Variants in NREP observed in about 807,000 individuals in gnomAD.
NREP encodes neuronal regeneration-related protein.
A neutral mutation model predicts 8.6 loss-of-function variants in NREP; 5 were observed. That is an observed-to-expected ratio of 0.58 (90% CI 0.30 to 1.22). NREP has a LOEUF of 1.22. NREP is among the 50% of genes most tolerant of loss of function. The probability of loss-of-function intolerance (pLI) is 0.07; values close to 1 mark genes in which losing one functional copy is unlikely to be tolerated. For synonymous variants in NREP, 27 were observed against 28.0 expected (o/e 0.96, Z 0.11); for missense variants, 86 against 82.5 (o/e 1.04, Z -0.17).
intron 2 of NREP, among the ~76,000 whole-genome samples, chr5:111,925,054 A>G (rs1755346376): frequency 6.6e-6 from 1 of 152,094 alleles, no homozygotes; most frequent in African/African-American, 2.4e-5. Flanking sequence ...GCCCTTCACA[A>G]TCGTGCTACG....
intron 2 of NREP, among the ~76,000 whole-genome samples, chr5:111,931,252 A>T (rs1755529403): frequency 6.6e-6 from 1 of 152,018 alleles, no homozygotes. Flanking sequence ...AGATTGAGTG[A>T]CTCACTTCTC....
chr5:111,855,011 AT>A (rs199697888), intron 2 of NREP, among the ~76,000 whole-genome samples: 65 of 151,854 alleles, frequency 4.3e-4, no homozygotes, highest in Middle Eastern at 3.4e-3. Context: ...CAGGTCACTG[AT>A]TTTTTTTTAT....
intron 2 of NREP, among the ~76,000 whole-genome samples, chr5:111,944,219 T>C (rs887681426): frequency 1.3e-5 from 2 of 152,126 alleles, no homozygotes; most frequent in South Asian, 4.1e-4. Flanking sequence ...CTTCCTTGGT[T>C]TATCAGTACA....
chr5:111,810,979 G>C (rs1407922532), intron 2 of NREP, among the ~76,000 whole-genome samples: 1 of 152,060 alleles, frequency 6.6e-6, no homozygotes, highest in Non-Finnish European at 1.5e-5. Context: ...ATTGATTCCT[G>C]GTGCTCACTG....
chr5:111,864,031 G>A (rs1365972307), intron 2 of NREP, among the ~76,000 whole-genome samples: 1 of 152,144 alleles, frequency 6.6e-6, no homozygotes, highest in Non-Finnish European at 1.5e-5. Context: ...AAGAGAATGA[G>A]TCATAGACCA....
In NREP at chr5:111,932,647, A is replaced by G. The variant is rs1477418718; in HGVS notation, c.135+42627T>C. Among the ~76,000 whole-genome samples the G allele has an allele frequency of 2.0e-5, 3 of 152,104 alleles. No individual in the cohort carries two copies. The East Asian group carries it at 5.8e-4, about 29-fold the overall frequency. ...AATGTTTATTTTATTACTGCAGGAA[A>G]ATGTTTCATCTGAAACATTTGGTAT... is the stretch of plus-strand genomic sequence containing the variant. On this transcript the variant is annotated intron_variant, in intron 2 of 3. Coordinates refer to the NREP transcript ENST00000395634.
chr5:111,741,696 C>T lies in NREP; in HGVS notation c.4-6189G>A, dbSNP rs951222671. Among the ~76,000 whole-genome samples, 6 of 152,184 alleles carry T rather than the reference C, an allele frequency of 3.9e-5. No individual in the cohort carries two copies. In the South Asian group the frequency reaches 8.3e-4, roughly 21 times the overall value. ...AAGGTAAGCCTGCAGAACACTGGGC[C>T]ATTCAGATGATGTACGTAACCTCTG... On this transcript the variant is annotated intron_variant, in intron 2 of 3. Coordinates refer to ENST00000257435, the MANE Select transcript of NREP (RefSeq NM_004772.4).
At position 111,926,276 on chromosome 5, in the gene NREP, C is replaced by A. The variant is rs544377920; in HGVS notation, c.135+48998G>T. 9.9e-5 allele frequency among the ~76,000 whole-genome samples: 15 copies of A among 152,130 alleles called. No homozygotes were observed. The South Asian group carries it at 2.9e-3, about 29-fold the overall frequency. Reference sequence around the variant, plus strand: ...CCAACAGTGCAGTTGGAGGAGGGAGCCCTGGATAATGGGGACAAGAGGAGC... The same window carrying A: ...CCAACAGTGCAGTTGGAGGAGGGAGACCTGGATAATGGGGACAAGAGGAGC... On this transcript the variant is annotated intron_variant, in intron 2 of 3. Transcript: ENST00000395634.
At chr5:111,804,873 C>T (rs990762178) in intron 2 of NREP, among the ~76,000 whole-genome samples, 1 of 152,036 alleles carries the variant, frequency 6.6e-6, no homozygotes, top group East Asian at 1.9e-4. Context: ...TGGTGGCGGG[C>T]GCCTGCAGGC....
chr5:111,915,544 A>T (rs527822975), intron 2 of NREP, among the ~76,000 whole-genome samples: 1 of 151,976 alleles, frequency 6.6e-6, no homozygotes, highest in Non-Finnish European at 1.5e-5. Context: ...CTCTCTTCCA[A>T]CCATTCACAA....
intron 2 of NREP, among the ~76,000 whole-genome samples, chr5:111,785,870 T>A (rs1262885023): frequency 6.6e-6 from 1 of 152,018 alleles, no homozygotes; most frequent in African/African-American, 2.4e-5. Context: ...TCCCCATAGT[T>A]CATATATACA....
At chr5:111,881,927 C>A (rs1754086300) in intron 2 of NREP, among the ~76,000 whole-genome samples, 1 of 152,188 alleles carries the variant, frequency 6.6e-6, no homozygotes, top group African/African-American at 2.4e-5. Context: ...GAGCACCTCT[C>A]CTCCTCCAAA....
At chr5:111,818,203 T>C (rs1215179167) in intron 2 of NREP, among the ~76,000 whole-genome samples, 1 of 152,178 alleles carries the variant, frequency 6.6e-6, no homozygotes, top group Admixed American at 6.5e-5. Flanking sequence ...ATCTGCAGTG[T>C]CATATTATAA....
chr5:111,783,356 G>A (rs968521095), intron 2 of NREP, among the ~76,000 whole-genome samples: 4 of 152,178 alleles, frequency 2.6e-5, no homozygotes, highest in Admixed American at 6.5e-5. Flanking sequence ...AGATTACCTA[G>A]TATATTCTAT....
intron 2 of NREP, among the ~76,000 whole-genome samples, chr5:111,764,223 ACCACT>A (rs1265643753): frequency 2.6e-5 from 4 of 152,156 alleles, no homozygotes; most frequent in Admixed American, 2.0e-4. Flanking sequence ...TCTTCAGCTG[ACCACT>A]AGTTGTGAAG....
intron 2 of NREP, among the ~76,000 whole-genome samples, chr5:111,875,008 A>T (rs1255390858): frequency 1.8e-4 from 27 of 152,204 alleles, no homozygotes; most frequent in Non-Finnish European, 5.9e-5. Flanking sequence ...CCAGTCACTC[A>T]TCTTTTGAAC....
intron 2 of NREP, among the ~76,000 whole-genome samples, chr5:111,741,826 C>CAG (rs1554095248): frequency 7.1e-5 from 10 of 141,062 alleles, no homozygotes; most frequent in Non-Finnish European, 1.2e-4. Context: ...CACACACATA[C>CAG]ACACACACAC....
At chr5:111,862,685 C>T (rs1386401796) in intron 2 of NREP, among the ~76,000 whole-genome samples, 2 of 152,002 alleles carry the variant, frequency 1.3e-5, no homozygotes, top group Admixed American at 1.3e-4. Context: ...AAGTCCTGTG[C>T]TATGTTCTGG....
At chr5:111,949,623 C>G (rs1412070790) in intron 2 of NREP, among the ~76,000 whole-genome samples, 1 of 151,926 alleles carries the variant, frequency 6.6e-6, no homozygotes, top group African/African-American at 2.4e-5. Flanking sequence ...TGTTCCCCTC[C>G]CTGTGTCCAT....
Sources: allele counts gnomAD v4.1 joint callset (sites outside exome capture counted in the v4.1 genomes callset), GRCh38; gene constraint gnomAD v4.1.1; transcripts MANE v1.5; gene names NCBI Gene and HGNC (gene_info 2026-07-23, HGNC 2026-07-21).